The following DPH6 variants were observed in gnomAD, a reference collection of about 807,000 sequenced individuals.
DPH6 encodes diphthine--ammonia ligase.
DPH6 carries 33 observed loss-of-function variants against 38.2 expected under a neutral mutation model. The observed-to-expected ratio is 0.86, with a 90% CI of 0.65 to 1.15. The LOEUF (loss-of-function observed/expected upper bound fraction) is 1.15, where lower values mean the gene tolerates loss of function less well. Among genes scored for constraint, DPH6 ranks in the 50% most tolerant of loss-of-function variants. The probability of loss-of-function intolerance (pLI) is 0.00; values close to 1 mark genes in which losing one functional copy is unlikely to be tolerated. For missense variants in DPH6, 325 were observed against 320.0 expected, an observed-to-expected ratio of 1.02 and a Z score of -0.12; for synonymous variants, 108 against 103.0, an observed-to-expected ratio of 1.05 and a Z score of -0.30.
intron 3 of DPH6, among the ~76,000 whole-genome samples, chr15:35,317,947 A>G (rs551437731): frequency 6.6e-6 from 1 of 152,216 alleles, no homozygotes; most frequent in African/African-American, 2.4e-5. Context: ...TAAAGGGGGG[A>G]ACAGAATAAT....
At chr15:35,167,575 A>ATT in the DPH6 span, among the ~76,000 whole-genome samples, 31 of 19,520 alleles carry the variant, frequency 1.6e-3, no homozygotes, top group East Asian at 0.013. Flanking sequence ...TTTTTTTTAA[A>ATT]AAAAAAAAAA....
chr15:35,160,723 G>A, the DPH6 span, among the ~76,000 whole-genome samples: 1 of 151,788 alleles, frequency 6.6e-6, no homozygotes, highest in Non-Finnish European at 1.5e-5. Context: ...TTCTGTTCCT[G>A]TGTTACTTTG....
rs187634893 is a variant in DPH6 at position 35,272,998 on chromosome 15, T to C, written n.201-52416A>G. Reference sequence around the variant, plus strand: ...GTGATATACCAGCCCCCCTTTGCCTTTTCACCATGACTGTAAGCTTCCTGA... The same window carrying C: ...GTGATATACCAGCCCCCCTTTGCCTCTTCACCATGACTGTAAGCTTCCTGA... On this transcript the variant is annotated intron_variant and non_coding_transcript_variant, in intron 3 of 3. Transcript: ENST00000560386. Among the ~76,000 whole-genome samples, 170 of 152,056 alleles carry C rather than the reference T, an allele frequency of 1.1e-3. 1 individual carries two copies. Among genetic ancestry groups the C allele is most frequent in the African/African-American group, 4.0e-3 (164 of 41,500 alleles).
At chr15:35,235,640 G>A (rs961971414) in intron 3 of DPH6, among the ~76,000 whole-genome samples, 3 of 152,214 alleles carry the variant, frequency 2.0e-5, no homozygotes, top group Non-Finnish European at 4.4e-5. Context: ...TCAGTTTTGA[G>A]TGTGTGTTTC....
In DPH6 at chr15:35,430,393, G is replaced by GAAA. The variant is rs562833474; in HGVS notation, c.506-19500_506-19498dup. Among the ~76,000 whole-genome samples the GAAA allele has an allele frequency of 6.0e-3, 829 of 137,660 alleles. 3 individuals are homozygous for GAAA. The highest frequency in any genetic ancestry group is 0.012 in the African/African-American group (470 of 38,174). 90.3% of individuals were successfully genotyped at this position (137,660 alleles called of 152,430 possible). A position where few individuals can be genotyped will look rare whatever the true frequency, so the allele number is the denominator to read the frequency against. On this transcript the variant is annotated intron_variant, in intron 5 of 8. Coordinates refer to ENST00000256538, the MANE Select transcript of DPH6 (RefSeq NM_080650.4). ...TGATATGTTAAACAACCTTCATACTGAAAAAAAAAAAAAATGCAATTATTG... is the reference window on the plus strand; with the variant it reads ...TGATATGTTAAACAACCTTCATACTGAAAAAAAAAAAAAAAAATGCAATTATTG...
At chr15:35,480,986 A>G (rs2054319473) in intron 3 of DPH6, among the ~76,000 whole-genome samples, 1 of 152,110 alleles carries the variant, frequency 6.6e-6, no homozygotes, top group South Asian at 2.1e-4. Flanking sequence ...TTTAAAAAAA[A>G]AAAATCAAAC....
chr15:35,268,118 C>T (rs113929851), intron 3 of DPH6, among the ~76,000 whole-genome samples: 4,500 of 151,206 alleles, frequency 0.03, 191 homozygotes, highest in African/African-American at 0.098. Context: ...TGCAGTGAGC[C>T]GAGATTGTGC....
intron 1 of DPH6, among the ~76,000 whole-genome samples, chr15:35,545,281 G>C (rs2055328692): frequency 6.6e-6 from 1 of 152,200 alleles, no homozygotes. Context: ...TTCTGCCTCA[G>C]TTTATAGATT....
intron 6 of DPH6, among the ~76,000 whole-genome samples, chr15:35,403,515 A>C (rs1184808444): frequency 6.6e-6 from 1 of 151,546 alleles, no homozygotes; most frequent in Non-Finnish European, 1.5e-5. Flanking sequence ...TCCTTTCTTT[A>C]TTTTTATTTT....
the DPH6 span, among the ~76,000 whole-genome samples, chr15:35,209,257 C>T: frequency 6.6e-6 from 1 of 152,016 alleles, no homozygotes; most frequent in Non-Finnish European, 1.5e-5. Context: ...TAATGTAGTT[C>T]TTAACCTCAA....
Position 35,241,386 on chromosome 15 carries a change from G to T in DPH6, n.201-20804C>A, listed in dbSNP as rs1429114163. On this transcript the variant is annotated intron_variant and non_coding_transcript_variant, in intron 3 of 3. Coordinates refer to the DPH6 transcript ENST00000560386. Reference sequence around the variant, plus strand: ...CACTCCACATTACCTTCTTTTCAAGGCCTGTTTCCCTTGCCTCCATAACTG... The same window carrying T: ...CACTCCACATTACCTTCTTTTCAAGTCCTGTTTCCCTTGCCTCCATAACTG... 2.8e-5 allele frequency among the ~76,000 whole-genome samples: 4 copies of T among 143,082 alleles called. 1 individual carries two copies. Among genetic ancestry groups the T allele is most frequent in the Admixed American group, 1.5e-4 (2 of 13,220 alleles). 93.9% of individuals were successfully genotyped at this position (143,082 alleles called of 152,430 possible). A position where few individuals can be genotyped will look rare whatever the true frequency, so the allele number is the denominator to read the frequency against.
chr15:35,343,277 G>A lies in DPH6; in HGVS notation n.208-12200C>T, dbSNP rs967220983. ...ACATTTTTGTAATGAATTGAATATT[G>A]TTTTCATTTAAATTATTACCAGGTA... On this transcript the variant is annotated intron_variant and non_coding_transcript_variant, in intron 3 of 3. Coordinates refer to the DPH6 transcript ENST00000558973. Among the ~76,000 whole-genome samples, 5 of 152,040 alleles carry A rather than the reference G, an allele frequency of 3.3e-5. No homozygotes were observed. The East Asian group carries it at 9.7e-4, about 29-fold the overall frequency.
chr15:35,202,901 A>G, the DPH6 span, among the ~76,000 whole-genome samples: 1 of 151,716 alleles, frequency 6.6e-6, no homozygotes, highest in African/African-American at 2.4e-5. Flanking sequence ...TAACAGAGTC[A>G]ATGTCCTGAA....
the DPH6 span, among the ~76,000 whole-genome samples, chr15:35,206,242 T>C: frequency 6.6e-6 from 1 of 152,160 alleles, no homozygotes; most frequent in Admixed American, 6.6e-5. Flanking sequence ...GCCAAACATT[T>C]TGGAGGCTGG....
intron 7 of DPH6, among the ~76,000 whole-genome samples, chr15:35,376,689 T>C (rs190944042): frequency 6.6e-6 from 1 of 152,106 alleles, no homozygotes; most frequent in East Asian, 1.9e-4. Flanking sequence ...ATTTAAAAAA[T>C]TTTTTATATC....
chr15:35,496,543 A>G (rs1467073250), intron 3 of DPH6, among the ~76,000 whole-genome samples: 3 of 125,902 alleles, frequency 2.4e-5, no homozygotes, highest in Non-Finnish European at 3.4e-5. Context: ...CAACAAGACG[A>G]AAGTTCCATC....
At chr15:35,412,301 A>G (rs2053376889) in intron 5 of DPH6, among the ~76,000 whole-genome samples, 4 of 151,682 alleles carry the variant, frequency 2.6e-5, no homozygotes, top group Admixed American at 1.3e-4. Flanking sequence ...AAACCACTAC[A>G]CACCTATTAT....
chr15:35,497,093 T>A (rs1372870631), intron 3 of DPH6, among the ~76,000 whole-genome samples: 1 of 151,622 alleles, frequency 6.6e-6, no homozygotes, highest in Non-Finnish European at 1.5e-5. Context: ...TTTTATGTTT[T>A]AGATAGTTTA....
intron 3 of DPH6, among the ~76,000 whole-genome samples, chr15:35,246,077 G>C (rs2051636039): frequency 6.6e-6 from 1 of 152,106 alleles, no homozygotes; most frequent in South Asian, 2.1e-4. Context: ...CTGCCAGCCA[G>C]AGAACAACCC....
Sources: gnomAD v4.1 joint callset for allele counts (sites outside exome capture counted in the v4.1 genomes callset) on GRCh38, gnomAD v4.1.1 for gene constraint, MANE v1.5 for transcripts, NCBI Gene and HGNC (gene_info 2026-07-23, HGNC 2026-07-21) for gene names.